Variants in RUSC2 observed in about 807,000 individuals in gnomAD.
The protein encoded by RUSC2 is RUN and SH3 domain containing 2, also known as AP-4 complex accessory subunit RUSC2.
In RUSC2, 34 loss-of-function variants were observed where a neutral mutation model predicts 122.2. The observed-to-expected ratio is 0.28, with a 90% CI of 0.21 to 0.37. The LOEUF (loss-of-function observed/expected upper bound fraction) is 0.37. RUSC2 is among the 10% of genes least tolerant of loss of function. The pLI, the probability that RUSC2 is intolerant of heterozygous loss-of-function variation, is 1.00. For synonymous variants in RUSC2, 784 were observed against 790.0 expected (o/e 0.99, Z 0.13); for missense variants, 1,747 against 1,952.4 (o/e 0.89, Z 1.98).
At chr9:35,540,515 C>G (rs1160075600) in intron 1 of RUSC2, among the ~76,000 whole-genome samples, 1 of 152,086 alleles carries the variant, frequency 6.6e-6, no homozygotes, top group Non-Finnish European at 1.5e-5. Context: ...TATTTGTTCC[C>G]AGGAAGTGTC....
At chr9:35,509,987 G>T (rs1360311870) in intron 1 of RUSC2, among the ~76,000 whole-genome samples, 1 of 152,140 alleles carries the variant, frequency 6.6e-6, no homozygotes, top group African/African-American at 2.4e-5. Context: ...TGACCAGAAA[G>T]AAACAAAAAT....
chr9:35,527,765 A>T (rs2132525913), intron 1 of RUSC2, among the ~76,000 whole-genome samples: 1 of 152,318 alleles, frequency 6.6e-6, no homozygotes, highest in Non-Finnish European at 1.5e-5. Flanking sequence ...TTGTTGACTT[A>T]GATTGGGAAA....
intron 1 of RUSC2, among the ~76,000 whole-genome samples, chr9:35,521,044 C>A (rs1259667754): frequency 1.3e-5 from 2 of 152,174 alleles, no homozygotes; most frequent in African/African-American, 4.8e-5. Flanking sequence ...TAGAGACTTA[C>A]AGCTAGCAGT....
intron 1 of RUSC2, among the ~76,000 whole-genome samples, chr9:35,529,848 CCTT>C (rs1285479329): frequency 1.3e-5 from 2 of 152,208 alleles, no homozygotes; most frequent in Admixed American, 6.5e-5. Context: ...TTCTTCCTTA[CCTT>C]CTTCTTCTTC....
At chr9:35,553,472 A>T (rs1274366182) in intron 2 of RUSC2, among the ~76,000 whole-genome samples, 1 of 152,240 alleles carries the variant, frequency 6.6e-6, no homozygotes, top group Non-Finnish European at 1.5e-5. Context: ...AACACATTAA[A>T]AGGACAACTT....
At chr9:35,494,153 C>CTT (rs572343867) in intron 1 of RUSC2, among the ~76,000 whole-genome samples, 4 of 142,438 alleles carry the variant, frequency 2.8e-5, no homozygotes, top group Non-Finnish European at 6.2e-5. Context: ...CACTTGTTTT[C>CTT]TTTTTTTTTT....
At chr9:35,503,376 C>T (rs1242166949) in intron 1 of RUSC2, among the ~76,000 whole-genome samples, 4 of 152,210 alleles carry the variant, frequency 2.6e-5, no homozygotes, top group South Asian at 2.1e-4. Context: ...TTTCCATTCC[C>T]GAGTTACTTC....
rs981928263 is a variant in RUSC2 at position 35,557,744 on chromosome 9, G to A, written c.2984-170G>A. 6.6e-6 allele frequency among the ~76,000 whole-genome samples: 1 copy of A among 152,168 alleles called. No homozygotes were observed. Among genetic ancestry groups the A allele is most frequent in the Non-Finnish European group, 1.5e-5 (1 of 68,040 alleles). On this transcript the variant is annotated intron_variant, in intron 5 of 11. Transcript: ENST00000361226. The surrounding 1 kb of genome is among the most constrained non-coding windows in gnomAD (Gnocchi z 4.6). The stretch of plus-strand genomic sequence containing the variant: ...AAAGACAGGAAGAGCTTAAGAACTG[G>A]GCAGAACCAGAAAAGGGCCAGGCCT...
chr9:35,552,305 A>T (rs1445230088), intron 2 of RUSC2, among the ~76,000 whole-genome samples: 1 of 152,200 alleles, frequency 6.6e-6, no homozygotes, highest in Non-Finnish European at 1.5e-5. Context: ...AAGTTGCAGT[A>T]AGCTGAGATC....
At chr9:35,521,846 G>A (rs139452776) in intron 1 of RUSC2, among the ~76,000 whole-genome samples, 30 of 152,378 alleles carry the variant, frequency 2.0e-4, no homozygotes, top group Non-Finnish European at 4.0e-4. Flanking sequence ...AGAAACAGTG[G>A]CCTCCTCAGC....
rs191601448 is a variant in RUSC2 at position 35,537,301 on chromosome 9, C to T, written c.-92-9129C>T. Among the ~76,000 whole-genome samples the T allele has an allele frequency of 1.1e-4, 16 of 152,310 alleles. No individual in the cohort carries two copies. In the East Asian group the frequency reaches 1.2e-3, roughly 11 times the overall value. On this transcript the variant is annotated intron_variant, in intron 1 of 11. Transcript: ENST00000361226. Reference sequence around the variant, plus strand: ...CATGGTAAGAGGCTCGAACTCCAAACGCTTGGTCATGAAGATTCACTCTGC... The same window carrying T: ...CATGGTAAGAGGCTCGAACTCCAAATGCTTGGTCATGAAGATTCACTCTGC...
At chr9:35,514,395 G>T (rs918870128) in intron 1 of RUSC2, among the ~76,000 whole-genome samples, 2 of 152,148 alleles carry the variant, frequency 1.3e-5, no homozygotes, top group Non-Finnish European at 2.9e-5. Flanking sequence ...GAGTGAAGAG[G>T]TGATTTATCA....
Position 35,548,544 on chromosome 9 carries a change from C to A in RUSC2, c.2014+9C>A. 6.3e-7 allele frequency: 1 copy of A among 1,596,210 alleles called. No homozygotes were observed. The highest frequency in any genetic ancestry group is 8.5e-7 in the Non-Finnish European group (1 of 1,172,766). On this transcript the variant is annotated intron_variant, in intron 2 of 11. Coordinates refer to ENST00000361226, the MANE Select transcript of RUSC2 (RefSeq NM_014806.5). The surrounding 1 kb of genome is among the most constrained non-coding windows in gnomAD (Gnocchi z 4.5). The stretch of plus-strand genomic sequence containing the variant: ...AAGAGCTAGAGCTGACGGTAAGGAG[C>A]CTAAGGGTTAGCAAATATGTGGCTA...
At position 35,547,015 on chromosome 9, in the gene RUSC2, G is replaced by A. The variant is rs376434474; in HGVS notation, c.494G>A (p.Arg165Gln). 1.4e-5 allele frequency: 22 copies of A among 1,606,260 alleles called. No individual in the cohort carries two copies. The highest frequency in any genetic ancestry group is 2.2e-5 in the East Asian group (1 of 44,770). The change falls in exon 2 of 12, where the codon CGG (arginine) becomes CAG (glutamine). Residue 165 changes from arginine (R) to glutamine (Q), a missense_variant. Arg to Gln is a conservative substitution (Grantham distance 43, BLOSUM62 1). Coordinates refer to ENST00000361226, the MANE Select transcript of RUSC2 (RefSeq NM_014806.5). This position sits in a 1 kb window ranked among gnomAD's most constrained non-coding sequence, Gnocchi z 4.6. ...VGRPWGTTRS[R>Q]AGVVEGQEQE... ...AGGCCATGGGGGACAACACGCAGTC[G>A]GGCTGGAGTGGTGGAAGGGCAGGAA...
chr9:35,552,892 T>G (rs1157322739), intron 2 of RUSC2, among the ~76,000 whole-genome samples: 1 of 152,248 alleles, frequency 6.6e-6, no homozygotes. Context: ...TTACCTGATC[T>G]TATTCCTCTG....
At chr9:35,520,563 A>G (rs1319727247) in intron 1 of RUSC2, among the ~76,000 whole-genome samples, 3 of 152,142 alleles carry the variant, frequency 2.0e-5, no homozygotes, top group African/African-American at 7.2e-5. Flanking sequence ...TGTGTGCTTC[A>G]GTCCACTGCC....
At chr9:35,491,593 C>T (rs1266397403) in intron 1 of RUSC2, among the ~76,000 whole-genome samples, 2 of 152,174 alleles carry the variant, frequency 1.3e-5, no homozygotes, top group African/African-American at 4.8e-5. Flanking sequence ...CTCATTCATC[C>T]ATTGCTAGTT....
In RUSC2 at chr9:35,528,232, A is replaced by C. The variant is rs142752141; in HGVS notation, c.-92-18198A>C. ...AAGATGCCATCTCTACAAAAAATTT[A>C]AACATTAGCCAGGCATGGTGGCACA... On this transcript the variant is annotated intron_variant, in intron 1 of 11. Coordinates refer to ENST00000361226, the MANE Select transcript of RUSC2 (RefSeq NM_014806.5). Among the ~76,000 whole-genome samples the C allele has an allele frequency of 4.1e-3, 622 of 152,168 alleles. 5 individuals are homozygous for C. The highest frequency in any genetic ancestry group is 0.014 in the African/African-American group (598 of 41,524).
chr9:35,540,428 CATAGGATA>C (rs1821619346), intron 1 of RUSC2, among the ~76,000 whole-genome samples: 1 of 152,112 alleles, frequency 6.6e-6, no homozygotes, highest in Admixed American at 6.5e-5. Context: ...GGTTCAAAAA[CATAGGATA>C]ATAGGAGACA....
Sources: allele counts gnomAD v4.1 joint callset (sites outside exome capture counted in the v4.1 genomes callset), GRCh38; gene constraint gnomAD v4.1.1; non-coding constraint Gnocchi (gnomAD v3.1); transcripts MANE v1.5; gene names NCBI Gene and HGNC (gene_info 2026-07-23, HGNC 2026-07-21).